Variants in KLRC3 observed in about 807,000 individuals in gnomAD.
KLRC3 encodes the protein killer cell lectin like receptor C3.
KLRC3 carries 16 observed loss-of-function variants against 23.6 expected under a neutral mutation model. The ratio of observed to expected loss-of-function variants is 0.68; its 90% CI spans 0.46 to 1.03. The LOEUF is 1.03. Among genes scored for constraint, KLRC3 ranks in the 50% least tolerant of loss-of-function variants. The probability of loss-of-function intolerance (pLI) is 0.00; values close to 1 mark genes in which losing one functional copy is unlikely to be tolerated. For missense variants in KLRC3, 209 were observed against 232.2 expected (o/e 0.90, Z 0.65); for synonymous variants, 70 against 71.8 (o/e 0.98, Z 0.13).
At chr12:10,413,750 G>T (rs1863603366) in intron 6 of KLRC3, among the ~76,000 whole-genome samples, 1 of 152,054 alleles carries the variant, frequency 6.6e-6, no homozygotes. Flanking sequence ...TTTACATTAG[G>T]TATTTCTCCT....
In KLRC3 at chr12:10,416,686, C is replaced by G; in HGVS notation, c.568G>C (p.Gly190Arg). 3.1e-6 allele frequency: 5 copies of G among 1,610,510 alleles called. No individual in the cohort carries two copies. The highest frequency in any genetic ancestry group is 4.2e-6 in the Non-Finnish European group (5 of 1,178,160). Residue 190 changes from glycine to arginine, a missense_variant, in exon 5 of 7, where the codon GGT becomes CGT. Transcript: ENST00000396439. ...SSHHPWVTIN[G>R]LAFKHEIKDS... ...ACTTACTCATGTTTGAAAGCCAAAC[C>G]ATTTATTGTCACCCATGGATGATGA... is the stretch of plus-strand genomic sequence containing the variant.
At chr12:10,419,824 A>C (rs1321828533) in intron 2 of KLRC3, 42 bp downstream of exon 2, 1 of 464,646 alleles carries the variant, frequency 2.2e-6, no homozygotes, top group African/African-American at 2.3e-5. Flanking sequence ...TCCAAGCATT[A>C]AAGTAAAACG....
In KLRC3 at chr12:10,415,434, C is replaced by G. The variant is rs1382658341; in HGVS notation, c.678+270G>C. 5.8e-6 allele frequency: 3 copies of G among 517,272 alleles called. No individual in the cohort carries two copies. In the African/African-American group the frequency reaches 5.8e-5, roughly 10 times the overall value. The allele number at this position is 517,272 out of a possible 1,614,324, so 32.0% of individuals were successfully genotyped here. The stretch of plus-strand genomic sequence containing the variant: ...TTCTTGATACTTCATATAAACTGAC[C>G]AACATAACATGCAACTTTTAGGAAG... On this transcript the variant is annotated intron_variant, in intron 6 of 6. Coordinates refer to ENST00000396439, the MANE Select transcript of KLRC3 (RefSeq NM_002261.3).
At chr12:10,417,118 G>A (rs1430540154) in intron 4 of KLRC3, among the ~76,000 whole-genome samples, 1 of 151,766 alleles carries the variant, frequency 6.6e-6, no homozygotes. Flanking sequence ...GAAGGGAATT[G>A]AGGGGTTGTC....
Position 10,418,467 on chromosome 12 carries a change from C to G in KLRC3, c.363G>C (p.Trp121Cys). Residue 121 changes from tryptophan to cysteine, a missense_variant, in exon 4 of 7, where the codon TGG becomes TGC. Trp to Cys is a radical substitution (Grantham distance 215). Coordinates refer to ENST00000396439, the MANE Select transcript of KLRC3 (RefSeq NM_002261.3). ...ARHCGHCPEE[W>C]ITYSNSCYYI... ...AATAACAACTGTTGGAATATGTAAT[C>G]CACTCCTCAGGACAATGGCCACAAT... 6.2e-7 allele frequency: 1 copy of G among 1,600,344 alleles called. No individual in the cohort carries two copies. Among genetic ancestry groups the G allele is most frequent in the Non-Finnish European group, 8.6e-7 (1 of 1,167,774 alleles).
At position 10,415,720 on chromosome 12, in the gene KLRC3, C is replaced by A; in HGVS notation, c.662G>T (p.Gly221Val). 6.2e-7 allele frequency: 1 copy of A among 1,613,720 alleles called. No individual in the cohort carries two copies. The highest frequency in any genetic ancestry group is 8.5e-7 in the Non-Finnish European group (1 of 1,179,756). Residue 221 changes from glycine (G) to valine (V), a missense_variant, in exon 6 of 7, where the codon GGA (glycine) becomes GTA (valine). Coordinates refer to ENST00000396439, the MANE Select transcript of KLRC3 (RefSeq NM_002261.3). ...TATGCTCACAATGATTCTTGAAGAT[C>A]CACACTGGTCTGATATAAGTCCACG... is the stretch of plus-strand genomic sequence containing the variant. ...HVRGLISDQC[G>V]SSRIIRRGFI...
chr12:10,420,442 C>T lies in KLRC3; in HGVS notation c.109G>A (p.Glu37Lys). Residue 37 changes from glutamate to lysine, a missense_variant, in exon 1 of 7, where the codon GAA becomes AAA. Coordinates refer to ENST00000396439, the MANE Select transcript of KLRC3 (RefSeq NM_002261.3). ...NKSSISGTEQ[E>K]IFQVELNLQN... Reference sequence around the variant, plus strand: ...AGGTTTAATTCTACTTGGAATATTTCCTGTTCGGTTCCTGAAATGGAGCTT... The same window carrying T: ...AGGTTTAATTCTACTTGGAATATTTTCTGTTCGGTTCCTGAAATGGAGCTT... The T allele has an allele frequency of 6.2e-7, 1 of 1,613,456 alleles. No homozygotes were observed. Among genetic ancestry groups the T allele is most frequent in the Non-Finnish European group, 8.5e-7 (1 of 1,179,778 alleles).
At chr12:10,415,611 T>G in intron 6 of KLRC3, 93 bp downstream of exon 6, 1 of 1,571,858 alleles carries the variant, frequency 6.4e-7, no homozygotes, top group Non-Finnish European at 8.7e-7. Flanking sequence ...TTAAGGCTTA[T>G]GCAATCATAA....
chr12:10,418,582 A>G, intron 3 of KLRC3, 84 bp from the exon 4 acceptor site: 1 of 1,376,976 alleles, frequency 7.3e-7, no homozygotes, highest in Non-Finnish European at 1.0e-6. Context: ...CAGTATAAAC[A>G]TATATGTGCT....
In KLRC3 at chr12:10,412,620, CA is replaced by C. The variant is rs1279277429; in HGVS notation, c.679-5del. The C allele has an allele frequency of 2.9e-6, 2 of 700,352 alleles. No individual in the cohort carries two copies. The highest frequency in any genetic ancestry group is 5.2e-6 in the Non-Finnish European group (2 of 384,332). The allele number at this position is 700,352 out of a possible 1,614,324, so 43.4% of individuals were successfully genotyped here. On this transcript the variant is annotated splice_region_variant and splice_polypyrimidine_tract_variant and intron_variant, in intron 6 of 6. Coordinates refer to ENST00000396439, the MANE Select transcript of KLRC3 (RefSeq NM_002261.3). ...TCAACATGATGAAACCCCGTCTCTA[CA>C]AAAAAATACGAAAATTAGCCAGCAT...
In KLRC3 at chr12:10,415,235, A is replaced by T. The variant is rs143792466; in HGVS notation, c.678+469T>A. Reference sequence around the variant, plus strand: ...ATTTCATCCACTTAAAATGATTAAAAATCAGTGATGTTTAGTGTATTCACA... The same window carrying T: ...ATTTCATCCACTTAAAATGATTAAATATCAGTGATGTTTAGTGTATTCACA... On this transcript the variant is annotated intron_variant, in intron 6 of 6. Coordinates refer to ENST00000396439, the MANE Select transcript of KLRC3 (RefSeq NM_002261.3). 1.1e-4 allele frequency among the ~76,000 whole-genome samples: 16 copies of T among 152,334 alleles called. No homozygotes were observed. In the East Asian group the frequency reaches 3.1e-3, roughly 29 times the overall value.
intron 4 of KLRC3, among the ~76,000 whole-genome samples, chr12:10,417,458 G>A (rs1235552450): frequency 6.6e-6 from 1 of 152,118 alleles, no homozygotes; most frequent in African/African-American, 2.4e-5. Flanking sequence ...ACCTAGGCCT[G>A]CTGTTTCCCT....
intron 3 of KLRC3, 119 bp from the exon 4 acceptor site, chr12:10,418,617 G>A (rs1863679223): frequency 8.5e-7 from 1 of 1,181,870 alleles, no homozygotes; most frequent in South Asian, 1.6e-5. Flanking sequence ...ATCCTTACAG[G>A]CTTATAAGTA....
intron 6 of KLRC3, among the ~76,000 whole-genome samples, chr12:10,413,791 C>G (rs1863604543): frequency 1.3e-5 from 2 of 148,884 alleles, no homozygotes; most frequent in East Asian, 3.9e-4. Flanking sequence ...CCCCCACCCC[C>G]CGACAGGCCC....
At chr12:10,418,087 T>G (rs1863670805) in intron 4 of KLRC3, among the ~76,000 whole-genome samples, 1 of 152,158 alleles carries the variant, frequency 6.6e-6, no homozygotes, top group African/African-American at 2.4e-5. Context: ...TCATGCTCAA[T>G]AAAATTAAAT....
chr12:10,413,874 C>T (rs1042571006), intron 6 of KLRC3, among the ~76,000 whole-genome samples: 10 of 149,970 alleles, frequency 6.7e-5, no homozygotes, highest in Admixed American at 3.4e-4. Flanking sequence ...TGAGAACATG[C>T]GGTGTTTGGT....
At chr12:10,413,802 C>T (rs539929250) in intron 6 of KLRC3, among the ~76,000 whole-genome samples, 3 of 150,234 alleles carry the variant, frequency 2.0e-5, no homozygotes, top group Admixed American at 2.0e-4. Context: ...CGACAGGCCC[C>T]GGTGTGTGAT....
At chr12:10,413,036 G>T (rs577237538) in intron 6 of KLRC3, among the ~76,000 whole-genome samples, 2 of 152,018 alleles carry the variant, frequency 1.3e-5, no homozygotes, top group Non-Finnish European at 2.9e-5. Flanking sequence ...ATGTAGTACC[G>T]CTAGCCAAGC....
In KLRC3 at chr12:10,419,956, G is replaced by A. The variant is rs774994587; in HGVS notation, c.196C>T (p.Pro66Ser). 27 of 475,080 alleles carry A rather than the reference G, an allele frequency of 5.7e-5. No homozygotes were observed. Among genetic ancestry groups the A allele is most frequent in the Non-Finnish European group, 1.0e-4 (27 of 268,054 alleles). 29.4% of individuals were successfully genotyped at this position (475,080 alleles called of 1,614,324 possible). Reference protein sequence around the residue: ...DKIYDCQGLLPPPEKLTAEVL... With the variant: ...DKIYDCQGLLSPPEKLTAEVL... ...TCGGCAGTGAGCTTTTCTGGAGGTG[G>A]CAGTAAACCTGCAGGGAGAGAAATA... Residue 66 changes from proline (P) to serine (S), a missense_variant, in exon 2 of 7, where the codon CCA (proline) becomes TCA (serine). Pro to Ser is a moderately conservative substitution (Grantham distance 74). This residue lies in a region of KLRC3 where 109 missense variants were observed against 113.2 expected (regional missense o/e 0.96). Transcript: ENST00000396439.
Sources: allele counts gnomAD v4.1 joint callset (sites outside exome capture counted in the v4.1 genomes callset), GRCh38; gene constraint gnomAD v4.1.1; regional missense constraint gnomAD v4.1.1; transcripts MANE v1.5; gene names NCBI Gene and HGNC (gene_info 2026-07-23, HGNC 2026-07-21).